The following SLMAP variants were observed in gnomAD, a reference collection of about 807,000 sequenced individuals.
SLMAP encodes the protein sarcolemma associated protein, also known as sarcolemmal membrane-associated protein.
SLMAP carries 44 observed loss-of-function variants against 128.8 expected under a neutral mutation model. The ratio of observed to expected loss-of-function variants is 0.34; its 90% CI spans 0.27 to 0.44. SLMAP has a LOEUF of 0.44. SLMAP is among the 20% of genes least tolerant of loss of function. The pLI, the probability that SLMAP is intolerant of heterozygous loss-of-function variation, is 1.00. For synonymous variants in SLMAP, 327 were observed against 348.8 expected (o/e 0.94, Z 0.70); for missense variants, 787 against 985.3 (o/e 0.80, Z 2.69).
rs1272141340 is a variant in SLMAP, at chr3:57,913,190, G to T, written c.2053G>T (p.Ala685Ser). ...ELEKLRKEWN[A>S]LETECHSLKR... ...AGAGAAGTTGAGAAAGGAATGGAAT[G>T]CATTGGAAACCGAATGCCATTCTCT... The change falls in exon 21 of 25, where the codon GCA becomes TCA. Residue 685 changes from alanine to serine, a missense_variant. This residue lies in a region of SLMAP where 715 missense variants were observed against 843.6 expected (regional missense o/e 0.85). Coordinates refer to ENST00000671191, the MANE Select transcript of SLMAP (RefSeq NM_001377540.1). 6 of 1,590,928 alleles carry T rather than the reference G, an allele frequency of 3.8e-6. No homozygotes were observed. Among genetic ancestry groups the T allele is most frequent in the South Asian group, 1.1e-5 (1 of 89,068 alleles).
chr3:57,845,156 A>G (rs933556637), intron 4 of SLMAP, among the ~76,000 whole-genome samples: 4 of 152,114 alleles, frequency 2.6e-5, no homozygotes, highest in Non-Finnish European at 4.4e-5. Flanking sequence ...GCCTATTTCA[A>G]TGTTCTGGAG....
rs1393215057 is a variant in SLMAP, at chr3:57,756,814, C to G, written c.-838C>G. ...CGTCCGGGGACCAACTTCCTGCCGC[C>G]TGGGAACTCGAGCCTCCCGGTGTCG... On this transcript the variant is annotated 5_prime_UTR_variant, in exon 2 of 25. Coordinates refer to ENST00000671191, the MANE Select transcript of SLMAP (RefSeq NM_001377540.1). 1 of 152,300 alleles carries G rather than the reference C, an allele frequency of 6.6e-6. No individual in the cohort carries two copies. 9.4% of individuals were successfully genotyped at this position (152,300 alleles called of 1,614,324 possible).
intron 21 of SLMAP, among the ~76,000 whole-genome samples, chr3:57,915,815 C>A (rs997739757): frequency 2.0e-5 from 3 of 152,196 alleles, no homozygotes; most frequent in African/African-American, 7.2e-5. Flanking sequence ...ACATATCAAG[C>A]TGTTCTCCAC....
chr3:57,771,156 C>G (rs1171461414), intron 2 of SLMAP, among the ~76,000 whole-genome samples: 1 of 140,932 alleles, frequency 7.1e-6, no homozygotes, highest in East Asian at 2.1e-4. Flanking sequence ...CCCCTCCCCT[C>G]CCCTCCCCTC....
intron 13 of SLMAP, among the ~76,000 whole-genome samples, chr3:57,866,147 CTGTAGTCCCAACTACG>C (rs2095295657): frequency 6.6e-6 from 1 of 152,132 alleles, no homozygotes; most frequent in Admixed American, 6.5e-5. Flanking sequence ...TGGTGTGCGC[CTGTAGTCCCAACTACG>C]TGGGAGGCTG....
At chr3:57,828,758 A>G (rs1381248112) in intron 2 of SLMAP, among the ~76,000 whole-genome samples, 1 of 152,196 alleles carries the variant, frequency 6.6e-6, no homozygotes, top group African/African-American at 2.4e-5. Flanking sequence ...GAATGAAAAG[A>G]ACCTGGGTTG....
intron 10 of SLMAP, among the ~76,000 whole-genome samples, chr3:57,863,851 C>A (rs2095205268): frequency 6.6e-6 from 1 of 152,142 alleles, no homozygotes; most frequent in South Asian, 2.1e-4. Flanking sequence ...GTACTGTCAT[C>A]TCGTTACTAA....
chr3:57,801,818 G>A (rs1490825333), intron 2 of SLMAP, among the ~76,000 whole-genome samples: 2 of 151,916 alleles, frequency 1.3e-5, no homozygotes, highest in Non-Finnish European at 2.9e-5. Flanking sequence ...GTTTGTGCCA[G>A]TTGGCACAAC....
At chr3:57,821,422 A>G (rs548040463) in intron 2 of SLMAP, among the ~76,000 whole-genome samples, 1 of 152,212 alleles carries the variant, frequency 6.6e-6, no homozygotes, top group Middle Eastern at 3.4e-3. Context: ...AAAACATTTC[A>G]CCACTTCTAT....
At chr3:57,809,256 C>T (rs2090490030) in intron 2 of SLMAP, among the ~76,000 whole-genome samples, 1 of 152,186 alleles carries the variant, frequency 6.6e-6, no homozygotes, top group African/African-American at 2.4e-5. Flanking sequence ...GGAAGAAAGG[C>T]CCCCCTGCCC....
In SLMAP at chr3:57,883,538, C is replaced by T. The variant is rs922986644; in HGVS notation, c.1301-6503C>T. Among the ~76,000 whole-genome samples, 8 of 152,062 alleles carry T rather than the reference C, an allele frequency of 5.3e-5. No homozygotes were observed. In the East Asian group the frequency reaches 1.3e-3, roughly 26 times the overall value. On this transcript the variant is annotated intron_variant, in intron 14 of 24. Coordinates refer to ENST00000671191, the MANE Select transcript of SLMAP (RefSeq NM_001377540.1). ...CATAAAAGTAGGAGTGAGTGATATC[C>T]TAGAAGTTAAAGTAGTAGTGTTTCC...
chr3:57,887,826 A>G (rs1239008654), intron 14 of SLMAP, among the ~76,000 whole-genome samples: 1 of 152,208 alleles, frequency 6.6e-6, no homozygotes, highest in Non-Finnish European at 1.5e-5. Context: ...GGCAAACCAG[A>G]TATTACTGAG....
intron 2 of SLMAP, among the ~76,000 whole-genome samples, chr3:57,809,237 G>C (rs2090486760): frequency 6.6e-6 from 1 of 152,196 alleles, no homozygotes; most frequent in Non-Finnish European, 1.5e-5. Flanking sequence ...CTGCACTCTT[G>C]GGGGCCCAGG....
intron 2 of SLMAP, among the ~76,000 whole-genome samples, chr3:57,797,529 G>C (rs896984985): frequency 6.6e-6 from 1 of 151,426 alleles, no homozygotes; most frequent in East Asian, 1.9e-4. Flanking sequence ...AATGTTAGTC[G>C]TGTAATGCAT....
chr3:57,805,841 C>CT (rs1560052335), intron 2 of SLMAP, among the ~76,000 whole-genome samples: 1 of 152,094 alleles, frequency 6.6e-6, no homozygotes, highest in Non-Finnish European at 1.5e-5. Flanking sequence ...CAACCCCACA[C>CT]TATGTTGTGT....
intron 2 of SLMAP, chr3:57,800,194 C>G (rs2087877741): frequency 6.6e-6 from 1 of 152,268 alleles, no homozygotes; most frequent in Non-Finnish European, 1.5e-5. Flanking sequence ...GAGTCTCGCT[C>G]TGTAGCCCAG....
chr3:57,891,722 G>A (rs139623266), intron 15 of SLMAP, among the ~76,000 whole-genome samples: 2 of 152,042 alleles, frequency 1.3e-5, no homozygotes, highest in South Asian at 2.1e-4. Context: ...AATTATAGGC[G>A]CATGCCACCA....
At chr3:57,823,912 C>T (rs1456075827) in intron 2 of SLMAP, among the ~76,000 whole-genome samples, 7 of 152,158 alleles carry the variant, frequency 4.6e-5, no homozygotes, top group African/African-American at 1.7e-4. Context: ...GATCGCCATT[C>T]TAACTGGTGT....
At position 57,860,765 on chromosome 3, in the gene SLMAP, A is replaced by T; in HGVS notation, c.754A>T (p.Thr252Ser). 1 of 1,600,034 alleles carries T rather than the reference A, an allele frequency of 6.2e-7. No homozygotes were observed. The highest frequency in any genetic ancestry group is 8.5e-7 in the Non-Finnish European group (1 of 1,176,490). ...ALQEDKHNYE[T>S]TAKESLRRVL... is the part of the protein sequence containing the mutation. ...ACAAGAGGATAAACATAACTATGAGACAACAGCCAAAGAGTCCCTGAGGCG... is the reference window on the plus strand; with the variant it reads ...ACAAGAGGATAAACATAACTATGAGTCAACAGCCAAAGAGTCCCTGAGGCG... Residue 252 changes from threonine (T) to serine (S), a missense_variant, in exon 9 of 25, where the codon ACA (threonine) becomes TCA (serine). This residue lies in a region of SLMAP where 715 missense variants were observed against 843.6 expected (regional missense o/e 0.85). Transcript: ENST00000671191.
Sources: gnomAD v4.1 joint callset for allele counts (sites outside exome capture counted in the v4.1 genomes callset) on GRCh38, gnomAD v4.1.1 for gene constraint, gnomAD v4.1.1 regional missense constraint, MANE v1.5 for transcripts, NCBI Gene and HGNC (gene_info 2026-07-23, HGNC 2026-07-21) for gene names.